The following SP110 variants were observed in gnomAD, a reference collection of about 807,000 sequenced individuals.
The protein encoded by SP110 is interferon-induced protein 41, 30kD.
In SP110, 62 loss-of-function variants were observed where a neutral mutation model predicts 92.7. That is an observed-to-expected ratio of 0.67 (90% CI 0.55 to 0.83). The LOEUF (loss-of-function observed/expected upper bound fraction) is 0.83. Among genes scored for constraint, SP110 ranks in the 40% least tolerant of loss-of-function variants. SP110 has a pLI of 0.00. For synonymous variants in SP110, 273 were observed against 305.3 expected (o/e 0.89, Z 1.10); for missense variants, 793 against 863.9 (o/e 0.92, Z 1.03).
At chr2:230,188,577 G>T (rs1202072928) in intron 10 of SP110, among the ~76,000 whole-genome samples, 2 of 152,132 alleles carry the variant, frequency 1.3e-5, no homozygotes, top group Non-Finnish European at 2.9e-5. Context: ...TTCTCCAGGG[G>T]AATGCATTAG....
chr2:230,219,846 G>A, intron 1 of SP110, 28 bp downstream of exon 1: 2 of 915,058 alleles, frequency 2.2e-6, no homozygotes, highest in Non-Finnish European at 2.6e-6. Context: ...CAAGAGCGAA[G>A]AATAAAGCAG....
At position 230,170,744 on chromosome 2, in the gene SP110, C is replaced by G. The variant is rs199635684; in HGVS notation, c.1905G>C (p.Glu635Asp). The part of the protein sequence containing the change: ...GIPFNIRDYG[E>D]PFQEAMWLDL... ...CCAACCACATTGCTTCCTGAAAGGGCTCACCGTAATCTCGAATCTTGGGGA... is the reference window on the plus strand; with the variant it reads ...CCAACCACATTGCTTCCTGAAAGGGGTCACCGTAATCTCGAATCTTGGGGA... The change falls in exon 18 of 19, where the codon GAG becomes GAC. Residue 635 changes from glutamate to aspartate, a missense_variant. By Grantham distance (45) the Glu-to-Asp change is conservative. Coordinates refer to ENST00000258381, the MANE Select transcript of SP110 (RefSeq NM_080424.4). 3.9e-5 allele frequency: 63 copies of G among 1,613,994 alleles called. No homozygotes were observed. The highest frequency in any genetic ancestry group is 1.5e-4 in the Admixed American group (9 of 59,984).
chr2:230,208,275 T>C (rs2044097452), intron 7 of SP110, among the ~76,000 whole-genome samples: 1 of 152,136 alleles, frequency 6.6e-6, no homozygotes, highest in Admixed American at 6.5e-5. Flanking sequence ...GGAGTTTAGG[T>C]AGCTCATTTC....
chr2:230,197,982 A>G (rs150850604), intron 10 of SP110, among the ~76,000 whole-genome samples: 140 of 152,310 alleles, frequency 9.2e-4, no homozygotes, highest in Non-Finnish European at 1.9e-3. Context: ...TGAAGATTTT[A>G]TTAGGAATAT....
chr2:230,180,768 A>C (rs1055006180), intron 12 of SP110, among the ~76,000 whole-genome samples: 6 of 152,164 alleles, frequency 3.9e-5, no homozygotes, highest in Non-Finnish European at 8.8e-5. Flanking sequence ...GACAGTGCAG[A>C]AGGGAGAAGA....
chr2:230,177,711 C>T (rs2041929528), intron 13 of SP110, 31 bp from the exon 14 acceptor site: 1 of 1,612,258 alleles, frequency 6.2e-7, no homozygotes, highest in African/African-American at 1.3e-5. Flanking sequence ...TTGGATCTAC[C>T]CCCATCCTCT....
intron 11 of SP110, among the ~76,000 whole-genome samples, chr2:230,184,426 C>G (rs4973289): frequency 0.79 from 120,022 of 151,666 alleles, 47,578 homozygotes; most frequent in Admixed American, 0.84. Flanking sequence ...GGGGAAGCAG[C>G]TGCTACTGGC....
upstream of SP110, among the ~76,000 whole-genome samples, chr2:230,223,132 G>A (rs1276039297): frequency 6.6e-6 from 1 of 151,802 alleles, no homozygotes; most frequent in Non-Finnish European, 1.5e-5. Flanking sequence ...CGCCTCCCAG[G>A]TTCAAGTGAT....
chr2:230,179,080 T>A (rs2041999935), intron 12 of SP110, among the ~76,000 whole-genome samples: 2 of 152,170 alleles, frequency 1.3e-5, no homozygotes, highest in Non-Finnish European at 2.9e-5. Context: ...ACTCTCTCCC[T>A]TGCCTCAAAC....
At chr2:230,206,636 T>TATATA (rs1238252289) in intron 8 of SP110, among the ~76,000 whole-genome samples, 2 of 128,258 alleles carry the variant, frequency 1.6e-5, no homozygotes, top group Non-Finnish European at 3.3e-5. Flanking sequence ...TATATATATA[T>TATATA]ATGGACCACA....
Position 230,168,919 on chromosome 2 carries a change from T to TAATTTTTTTTTTTTTTTTTTTGTTG in SP110, c.*204_*205insCAACAAAAAAAAAAAAAAAAAAATT. ...CTGATGGTATTAAGGAAGTATTAATTTTTTTTTTTTTTAGTGTAGATATAG... is the reference window on the plus strand; with the variant it reads ...CTGATGGTATTAAGGAAGTATTAATTAATTTTTTTTTTTTTTTTTTTGTTGTTTTTTTTTTTTAGTGTAGATATAG... On this transcript the variant is annotated 3_prime_UTR_variant, in exon 19 of 19. Coordinates refer to ENST00000258381, the MANE Select transcript of SP110 (RefSeq NM_080424.4). The TAATTTTTTTTTTTTTTTTTTTGTTG allele has an allele frequency of 2.4e-6, 1 of 421,682 alleles. No individual in the cohort carries two copies. Among genetic ancestry groups the TAATTTTTTTTTTTTTTTTTTTGTTG allele is most frequent in the Non-Finnish European group, 4.2e-6 (1 of 236,730 alleles). 26.1% of individuals were successfully genotyped at this position (421,682 alleles called of 1,614,324 possible).
At chr2:230,184,966 G>A (rs932600315) in intron 11 of SP110, among the ~76,000 whole-genome samples, 20 of 152,178 alleles carry the variant, frequency 1.3e-4, no homozygotes, top group African/African-American at 3.1e-4. Flanking sequence ...ATTTGTTTAC[G>A]TATTTGCCTC....
upstream of SP110, chr2:230,221,634 C>T (rs1221612213): frequency 2.5e-5 from 34 of 1,387,538 alleles, no homozygotes; most frequent in African/African-American, 4.3e-5. Context: ...TAACATACAG[C>T]GCTGTGATGC....
At chr2:230,187,617 G>C (rs1370379044) in intron 10 of SP110, among the ~76,000 whole-genome samples, 1 of 151,954 alleles carries the variant, frequency 6.6e-6, no homozygotes, top group Admixed American at 6.6e-5. Flanking sequence ...GAATTTTTCT[G>C]GTTTCAGGTC....
chr2:230,178,374 T>C (rs763831815), intron 12 of SP110, 119 bp from the exon 13 acceptor site: 56 of 693,686 alleles, frequency 8.1e-5, no homozygotes, highest in African/African-American at 1.4e-4. Context: ...TCTGGTTAGT[T>C]TGCAGGAACT....
chr2:230,214,123 T>C (rs1411908331), intron 3 of SP110: 4 of 152,254 alleles, frequency 2.6e-5, no homozygotes, highest in Admixed American at 2.6e-4. Context: ...CAACCTAAAA[T>C]GACTTTACTG....
In SP110 at chr2:230,170,727, A is replaced by G; in HGVS notation, c.1922T>C (p.Met641Thr). The G allele has an allele frequency of 6.2e-7, 1 of 1,614,024 alleles. No individual in the cohort carries two copies. The highest frequency in any genetic ancestry group is 1.1e-5 in the South Asian group (1 of 91,070). Residue 641 changes from methionine to threonine, a missense_variant, in exon 18 of 19, where the codon ATG becomes ACG. Coordinates refer to ENST00000258381, the MANE Select transcript of SP110 (RefSeq NM_080424.4). ...RDYGEPFQEAMWLDLVKERLI... is the reference protein window; with the variant it reads ...RDYGEPFQEATWLDLVKERLI... ...CCTTTCCTTAACCAGGTCCAACCAC[A>G]TTGCTTCCTGAAAGGGCTCACCGTA...
At chr2:230,169,808 G>T (rs6436915) in intron 18 of SP110, among the ~76,000 whole-genome samples, 60,686 of 151,978 alleles carry the variant, frequency 0.4, 12,415 homozygotes, top group Non-Finnish European at 0.44. Flanking sequence ...AACAATTTTT[G>T]TAAATGCATT....
At chr2:230,170,896 G>C in intron 17 of SP110, 135 bp from the exon 18 acceptor site, 1 of 857,476 alleles carries the variant, frequency 1.2e-6, no homozygotes, top group Admixed American at 2.0e-5. Flanking sequence ...GCCAGCTATT[G>C]TTCTAGGCAC....
Sources: gnomAD v4.1 joint callset for allele counts (sites outside exome capture counted in the v4.1 genomes callset) on GRCh38, gnomAD v4.1.1 for gene constraint, MANE v1.5 for transcripts, NCBI Gene and HGNC (gene_info 2026-07-23, HGNC 2026-07-21) for gene names.